Variants in PLPP1 observed in about 807,000 individuals in gnomAD.
The protein encoded by PLPP1 is lipid phosphate phosphohydrolase 1a.
PLPP1 carries 24 observed loss-of-function variants against 31.2 expected under a neutral mutation model. That is an observed-to-expected ratio of 0.77 (90% CI 0.56 to 1.08). The LOEUF is 1.08. Ranked by LOEUF, PLPP1 falls within the 50% of genes least tolerant of loss-of-function variation. The pLI is 0.00. For synonymous variants in PLPP1, 146 were observed against 126.3 expected, an observed-to-expected ratio of 1.16 and a Z score of -1.05; for missense variants, 319 against 342.7, an observed-to-expected ratio of 0.93 and a Z score of 0.55.
At chr5:55,454,932 CG>C (rs1751972106) in intron 3 of PLPP1, among the ~76,000 whole-genome samples, 1 of 152,128 alleles carries the variant, frequency 6.6e-6, no homozygotes, top group Non-Finnish European at 1.5e-5. Context: ...GTACTAGGTA[CG>C]TAAGTACCAC....
At chr5:55,499,898 A>G (rs1298653410) in intron 1 of PLPP1, among the ~76,000 whole-genome samples, 2 of 151,854 alleles carry the variant, frequency 1.3e-5, no homozygotes, top group South Asian at 2.1e-4. Flanking sequence ...GAATATATTT[A>G]TATTTCACAT....
chr5:55,457,999 G>A (rs1752059419), intron 3 of PLPP1, among the ~76,000 whole-genome samples: 1 of 152,102 alleles, frequency 6.6e-6, no homozygotes, highest in South Asian at 2.1e-4. Flanking sequence ...GAGTTTTCCT[G>A]CCTAACTTAT....
At chr5:55,442,525 G>A (rs1182776256) in intron 3 of PLPP1, among the ~76,000 whole-genome samples, 2 of 151,898 alleles carry the variant, frequency 1.3e-5, no homozygotes, top group Non-Finnish European at 2.9e-5. Flanking sequence ...GGTGGCGTGT[G>A]CCTGTAGTCC....
intron 1 of PLPP1, among the ~76,000 whole-genome samples, chr5:55,485,942 T>C (rs1752767285): frequency 6.6e-6 from 1 of 152,278 alleles, no homozygotes; most frequent in African/African-American, 2.4e-5. Context: ...ATTCTCTATA[T>C]GAAACTTTTA....
intron 5 of PLPP1, 36 bp from the exon 6 acceptor site, chr5:55,425,370 CA>C: frequency 6.5e-7 from 1 of 1,535,636 alleles, no homozygotes; most frequent in South Asian, 1.2e-5. Flanking sequence ...TAATTTAGAT[CA>C]AGTTAAAAAC....
intron 1 of PLPP1, among the ~76,000 whole-genome samples, chr5:55,478,846 T>C (rs1281656375): frequency 1.3e-5 from 2 of 152,140 alleles, no homozygotes; most frequent in Non-Finnish European, 2.9e-5. Context: ...GGTAATATCC[T>C]GACTTCAAGT....
At chr5:55,468,487 A>G (rs532349600) in intron 2 of PLPP1, among the ~76,000 whole-genome samples, 35 of 152,262 alleles carry the variant, frequency 2.3e-4, no homozygotes, top group African/African-American at 8.2e-4. Flanking sequence ...CCTGGAGGAC[A>G]AAAACTATGG....
At chr5:55,475,525 CAG>C in intron 1 of PLPP1, 75 bp from the exon 2 acceptor site, 3 of 1,309,176 alleles carry the variant, frequency 2.3e-6, no homozygotes, top group Non-Finnish European at 3.1e-6. Flanking sequence ...AATTATCCCA[CAG>C]ACTCTGTCTA....
chr5:55,488,052 A>T (rs535805173), intron 1 of PLPP1, among the ~76,000 whole-genome samples: 1 of 152,238 alleles, frequency 6.6e-6, no homozygotes, highest in Non-Finnish European at 1.5e-5. Flanking sequence ...CAGCCTGGGC[A>T]ACAGGACAAG....
chr5:55,449,367 A>G (rs1037157035), intron 3 of PLPP1, among the ~76,000 whole-genome samples: 2 of 152,226 alleles, frequency 1.3e-5, no homozygotes, highest in African/African-American at 4.8e-5. Flanking sequence ...ATATGTGACA[A>G]TATTTTAAAG....
At chr5:55,457,684 T>A (rs1291721508) in intron 3 of PLPP1, among the ~76,000 whole-genome samples, 1 of 152,056 alleles carries the variant, frequency 6.6e-6, no homozygotes, top group Non-Finnish European at 1.5e-5. Context: ...AGGTCAGCAG[T>A]TCGAGACCAG....
In PLPP1 at chr5:55,441,926, C is replaced by A; in HGVS notation, c.492-18G>T. ...AGGACAACCTGGAAGAAAAAGAAGACAAATGTTACTTTTCTCTCTTAGGAG... is the reference window on the plus strand; with the variant it reads ...AGGACAACCTGGAAGAAAAAGAAGAAAAATGTTACTTTTCTCTCTTAGGAG... On this transcript the variant is annotated intron_variant, in intron 3 of 5. Coordinates refer to ENST00000307259, the MANE Select transcript of PLPP1 (RefSeq NM_003711.4). 1 of 1,609,782 alleles carries A rather than the reference C, an allele frequency of 6.2e-7. No homozygotes were observed. The highest frequency in any genetic ancestry group is 8.5e-7 in the Non-Finnish European group (1 of 1,176,062).
rs538787332 is a variant in PLPP1 at position 55,509,739 on chromosome 5, A to C, written c.58+24833T>G. ...TCACTATGGACTCTCACATTTCCACACAAATAAAAAACAAGTTAACCTATT... is the reference window on the plus strand; with the variant it reads ...TCACTATGGACTCTCACATTTCCACCCAAATAAAAAACAAGTTAACCTATT... On this transcript the variant is annotated intron_variant, in intron 1 of 5. Coordinates refer to ENST00000307259, the MANE Select transcript of PLPP1 (RefSeq NM_003711.4). Among the ~76,000 whole-genome samples the C allele has an allele frequency of 7.2e-5, 11 of 152,344 alleles. No individual in the cohort carries two copies. In the South Asian group the frequency reaches 2.3e-3, roughly 32 times the overall value.
intron 1 of PLPP1, among the ~76,000 whole-genome samples, chr5:55,485,252 A>C (rs1752751732): frequency 6.6e-6 from 1 of 152,054 alleles, no homozygotes. Context: ...TCTCATGCTA[A>C]CTCCAGGTGG....
intron 1 of PLPP1, among the ~76,000 whole-genome samples, chr5:55,526,654 C>T (rs1740443372): frequency 6.6e-6 from 1 of 152,060 alleles, no homozygotes; most frequent in Non-Finnish European, 1.5e-5. Flanking sequence ...TAGAAGAGGC[C>T]AGGCACGGTG....
chr5:55,443,191 A>AAAAATATATAT (rs1751668388), intron 3 of PLPP1, among the ~76,000 whole-genome samples: 1 of 76,770 alleles, frequency 1.3e-5, no homozygotes, highest in Non-Finnish European at 2.6e-5. Context: ...AAAAAAAAAA[A>AAAAATATATAT]AATATATATA....
intron 3 of PLPP1, among the ~76,000 whole-genome samples, chr5:55,447,147 G>C (rs1276816900): frequency 6.6e-6 from 1 of 152,218 alleles, no homozygotes; most frequent in African/African-American, 2.4e-5. Context: ...ACTATTATCA[G>C]TAGGCACTTC....
intron 3 of PLPP1, among the ~76,000 whole-genome samples, chr5:55,462,298 G>A (rs1477970778): frequency 6.6e-6 from 1 of 152,192 alleles, no homozygotes; most frequent in Non-Finnish European, 1.5e-5. Flanking sequence ...GAGGCATACA[G>A]AGCAATGAAC....
intron 1 of PLPP1, among the ~76,000 whole-genome samples, chr5:55,508,486 A>C (rs977150139): frequency 6.6e-6 from 1 of 152,262 alleles, no homozygotes; most frequent in Non-Finnish European, 1.5e-5. Context: ...AGAACAAGGC[A>C]GGCCTTCAAC....
Sources: gnomAD v4.1 joint callset for allele counts (sites outside exome capture counted in the v4.1 genomes callset) on GRCh38, gnomAD v4.1.1 for gene constraint, MANE v1.5 for transcripts, NCBI Gene and HGNC (gene_info 2026-07-23, HGNC 2026-07-21) for gene names.